Variants in MYRIP observed in about 807,000 individuals in gnomAD.
MYRIP encodes the protein myosin VIIA and Rab interacting protein.
A neutral mutation model predicts 98.0 loss-of-function variants in MYRIP; 49 were observed. The observed-to-expected ratio is 0.50, with a 90% CI of 0.40 to 0.63. The LOEUF (loss-of-function observed/expected upper bound fraction) is 0.63, where lower values mean the gene tolerates loss of function less well. MYRIP is among the 30% of genes least tolerant of loss of function. MYRIP has a pLI of 0.00. For synonymous variants in MYRIP, 404 were observed against 409.5 expected (o/e 0.99, Z 0.16); for missense variants, 1,004 against 1,058.2 (o/e 0.95, Z 0.71).
intron 10 of MYRIP, among the ~76,000 whole-genome samples, chr3:40,192,200 T>C (rs747024929): frequency 1.3e-5 from 2 of 148,642 alleles, no homozygotes; most frequent in Non-Finnish European, 3.0e-5. Context: ...CAAACGATCC[T>C]TCTACTCAAC....
intron 16 of MYRIP, among the ~76,000 whole-genome samples, chr3:40,253,514 G>GCCTACTATTCCT (rs1270179021): frequency 2.6e-5 from 4 of 152,142 alleles, no homozygotes; most frequent in Admixed American, 6.5e-5. Context: ...ACAGGCCCTA[G>GCCTACTATTCCT]CCTACTATTC....
intron 3 of MYRIP, among the ~76,000 whole-genome samples, chr3:40,132,327 G>T (rs1270181843): frequency 3.3e-5 from 5 of 152,192 alleles, no homozygotes; most frequent in Non-Finnish European, 7.3e-5. Flanking sequence ...CTCCTAAGAA[G>T]TTCTCAAATA....
At chr3:40,012,405 C>T (rs1330775054) in intron 2 of MYRIP, among the ~76,000 whole-genome samples, 3 of 152,112 alleles carry the variant, frequency 2.0e-5, no homozygotes, top group African/African-American at 7.2e-5. Flanking sequence ...GTTACAGAAC[C>T]CCTGGAATAC....
chr3:39,901,965 A>G (rs1056678558), intron 2 of MYRIP, among the ~76,000 whole-genome samples: 1 of 152,076 alleles, frequency 6.6e-6, no homozygotes, highest in African/African-American at 2.4e-5. Flanking sequence ...TGGTGGTAGG[A>G]AAGATTTACC....
intron 3 of MYRIP, among the ~76,000 whole-genome samples, chr3:40,130,126 T>G (rs1949607065): frequency 6.6e-6 from 1 of 152,160 alleles, no homozygotes; most frequent in African/African-American, 2.4e-5. Context: ...TAATTTGCCA[T>G]AAGAACACTA....
At chr3:40,036,378 T>C (rs1271268356) in intron 2 of MYRIP, among the ~76,000 whole-genome samples, 3 of 148,746 alleles carry the variant, frequency 2.0e-5, no homozygotes. Context: ...TAAACTGTCA[T>C]TGAAATGTAA....
intron 1 of MYRIP, among the ~76,000 whole-genome samples, chr3:39,815,354 G>A (rs1940865151): frequency 6.6e-6 from 1 of 152,046 alleles, no homozygotes; most frequent in African/African-American, 2.4e-5. Context: ...GTTGTTGAAT[G>A]TATCATTGCT....
At chr3:39,887,156 A>C (rs985801841) in intron 1 of MYRIP, among the ~76,000 whole-genome samples, 17 of 152,170 alleles carry the variant, frequency 1.1e-4, no homozygotes, top group African/African-American at 3.9e-4. Context: ...ACAAAGACAC[A>C]ACATACCAGA....
intron 3 of MYRIP, among the ~76,000 whole-genome samples, chr3:40,050,335 TA>T (rs907864625): frequency 2.0e-5 from 3 of 152,146 alleles, no homozygotes; most frequent in African/African-American, 7.2e-5. Context: ...CTAGGTCCCT[TA>T]AAAGGTATGC....
At chr3:39,960,580 A>AT (rs1945298295) in intron 2 of MYRIP, among the ~76,000 whole-genome samples, 1 of 152,122 alleles carries the variant, frequency 6.6e-6, no homozygotes, top group Non-Finnish European at 1.5e-5. Context: ...GAGGAACAAT[A>AT]TTGTATTAAG....
At chr3:39,878,669 C>A (rs907133258) in intron 1 of MYRIP, among the ~76,000 whole-genome samples, 2 of 152,034 alleles carry the variant, frequency 1.3e-5, no homozygotes, top group African/African-American at 4.8e-5. Flanking sequence ...GTTTCTAGCT[C>A]CTTATGTCTA....
At chr3:40,256,682 A>T (rs895427804) in intron 16 of MYRIP, among the ~76,000 whole-genome samples, 5 of 152,170 alleles carry the variant, frequency 3.3e-5, no homozygotes, top group Non-Finnish European at 7.3e-5. Flanking sequence ...TCAGAAAAAT[A>T]GCAAAAACTA....
chr3:40,154,995 TTTA>T (rs1188649642), intron 4 of MYRIP, among the ~76,000 whole-genome samples: 2 of 152,094 alleles, frequency 1.3e-5, no homozygotes, highest in Non-Finnish European at 2.9e-5. Context: ...TTATTATTTT[TTTA>T]TTATTATTAT....
At chr3:39,965,434 C>A (rs1411630985) in intron 2 of MYRIP, among the ~76,000 whole-genome samples, 1 of 152,124 alleles carries the variant, frequency 6.6e-6, no homozygotes, top group Non-Finnish European at 1.5e-5. Flanking sequence ...ACACCTGAGT[C>A]AGTACAGCTT....
chr3:40,118,033 C>T (rs1298881828), intron 3 of MYRIP, among the ~76,000 whole-genome samples: 1 of 151,232 alleles, frequency 6.6e-6, no homozygotes, highest in African/African-American at 2.4e-5. Context: ...AACAAAAAGC[C>T]CAAAACCTAA....
chr3:39,952,809 G>A (rs181089409), intron 2 of MYRIP, among the ~76,000 whole-genome samples: 5 of 152,110 alleles, frequency 3.3e-5, no homozygotes, highest in East Asian at 1.9e-4. Context: ...TAAATTATTC[G>A]TTGACAGGAA....
chr3:40,209,981 A>G lies in MYRIP; in HGVS notation c.1793A>G (p.Glu598Gly). The part of the protein sequence containing the change: ...YELAMKMSEK[E>G]TSSGEDQESE... ...TTAGCAATGAAAATGAGTGAAAAGG[A>G]GACTTCTTCAGGGGAGGATCAGGAG... The change falls in exon 11 of 17, where the codon GAG (glutamate) becomes GGG (glycine). Residue 598 changes from glutamate to glycine, a missense_variant. Glu to Gly is a moderately conservative substitution (Grantham distance 98). This residue lies in a region of MYRIP where 880 missense variants were observed against 907.7 expected (regional missense o/e 0.97). Transcript: ENST00000302541. 1 of 1,614,112 alleles carries G rather than the reference A, an allele frequency of 6.2e-7. No homozygotes were observed. The highest frequency in any genetic ancestry group is 8.5e-7 in the Non-Finnish European group (1 of 1,179,970).
chr3:39,876,356 T>C (rs1942995294), intron 1 of MYRIP, among the ~76,000 whole-genome samples: 1 of 152,220 alleles, frequency 6.6e-6, no homozygotes, highest in Admixed American at 6.5e-5. Flanking sequence ...AAGTTAATAC[T>C]GTTATGTGTG....
intron 11 of MYRIP, among the ~76,000 whole-genome samples, chr3:40,226,269 T>G (rs890758778): frequency 1.3e-5 from 2 of 152,146 alleles, no homozygotes; most frequent in African/African-American, 4.8e-5. Context: ...AACCCTTCCT[T>G]CTCTCCTGGT....
Sources: allele counts gnomAD v4.1 joint callset (sites outside exome capture counted in the v4.1 genomes callset), GRCh38; gene constraint gnomAD v4.1.1; regional missense constraint gnomAD v4.1.1; transcripts MANE v1.5; gene names NCBI Gene and HGNC (gene_info 2026-07-23, HGNC 2026-07-21).